Variants in SLC2A13 observed in about 807,000 individuals in gnomAD.
SLC2A13 encodes solute carrier family 2 member 13, also known as proton myo-inositol cotransporter.
A neutral mutation model predicts 64.4 loss-of-function variants in SLC2A13; 32 were observed. The observed-to-expected ratio is 0.50, with a 90% confidence interval of 0.37 to 0.67. The LOEUF is 0.67. SLC2A13 is among the 30% of genes least tolerant of loss of function. SLC2A13 has a pLI of 0.00. For missense variants in SLC2A13, 743 were observed against 829.2 expected (o/e 0.90, Z 1.28); for synonymous variants, 338 against 327.1 (o/e 1.03, Z -0.36).
At chr12:40,044,234 C>A (rs536162777) in intron 2 of SLC2A13, among the ~76,000 whole-genome samples, 7 of 152,218 alleles carry the variant, frequency 4.6e-5, no homozygotes, top group African/African-American at 1.7e-4. Flanking sequence ...TAAAGAACCA[C>A]ATATTCATAT....
chr12:39,994,185 C>T (rs935166049), intron 3 of SLC2A13, among the ~76,000 whole-genome samples: 2 of 151,894 alleles, frequency 1.3e-5, no homozygotes, highest in Admixed American at 6.6e-5. Context: ...GTCAGGAGAT[C>T]GAGACCATCC....
intron 3 of SLC2A13, among the ~76,000 whole-genome samples, chr12:39,980,682 G>A (rs1400319765): frequency 6.6e-6 from 1 of 150,806 alleles, no homozygotes; most frequent in Non-Finnish European, 1.5e-5. Flanking sequence ...AGCAAGTCCT[G>A]AGTGACCTAC....
intron 1 of SLC2A13, among the ~76,000 whole-genome samples, chr12:40,049,905 G>A (rs1381626251): frequency 6.6e-6 from 1 of 152,090 alleles, no homozygotes; most frequent in Non-Finnish European, 1.5e-5. Context: ...TTCCACCAAT[G>A]TTGTTTGCTA....
chr12:39,964,972 A>G (rs747644521), intron 3 of SLC2A13, among the ~76,000 whole-genome samples: 23 of 152,182 alleles, frequency 1.5e-4, no homozygotes, highest in Non-Finnish European at 3.2e-4. Flanking sequence ...AGGGAAAAAA[A>G]TTATTAGATA....
At chr12:39,927,370 T>C (rs897710792) in intron 4 of SLC2A13, among the ~76,000 whole-genome samples, 3 of 152,206 alleles carry the variant, frequency 2.0e-5, no homozygotes, top group African/African-American at 7.2e-5. Context: ...TGGTGAGTCA[T>C]ATGAAGTTTC....
intron 1 of SLC2A13, among the ~76,000 whole-genome samples, chr12:40,094,069 A>AT (rs1484198142): frequency 6.6e-6 from 1 of 152,176 alleles, no homozygotes; most frequent in Non-Finnish European, 1.5e-5. Flanking sequence ...AGTGGAAGTG[A>AT]TAAGAAACAG....
chr12:40,030,484 T>A (rs926885491), intron 2 of SLC2A13, among the ~76,000 whole-genome samples: 6 of 152,164 alleles, frequency 3.9e-5, no homozygotes, highest in African/African-American at 1.4e-4. Context: ...GATTAGGAAA[T>A]AAATTTTAAA....
At chr12:39,805,763 C>T (rs1408711857) in intron 7 of SLC2A13, among the ~76,000 whole-genome samples, 2 of 152,070 alleles carry the variant, frequency 1.3e-5, no homozygotes, top group African/African-American at 4.8e-5. Flanking sequence ...TCAATGAAAC[C>T]AGATCTGAGT....
At position 40,105,131 on chromosome 12, in the gene SLC2A13, T is replaced by A; in HGVS notation, c.556+122A>T. ...AGATGGGCTCTGGAGGCCAGAGAAG[T>A]GGAGGATTCTCTGACCCTGGGAGAC... is the stretch of plus-strand genomic sequence containing the variant. On this transcript the variant is annotated intron_variant, in intron 1 of 9. Transcript: ENST00000280871. This position sits in a 1 kb window ranked among gnomAD's most constrained non-coding sequence, Gnocchi z 4.2. 7.9e-7 allele frequency: 1 copy of A among 1,272,182 alleles called. No homozygotes were observed. 78.8% of individuals were successfully genotyped at this position (1,272,182 alleles called of 1,614,324 possible).
At chr12:39,989,031 G>A (rs569067834) in intron 3 of SLC2A13, among the ~76,000 whole-genome samples, 4 of 152,254 alleles carry the variant, frequency 2.6e-5, no homozygotes, top group East Asian at 1.9e-4. Context: ...TACTCTGAGC[G>A]CAGGAGCCAG....
chr12:40,105,836 G>T lies in SLC2A13; in HGVS notation c.-28C>A. ...GGCAGGGGCCCGGGGCTGCCCGGGGGGACGCGGCTCCGCGGGCCGGCAGTC... is the reference window on the plus strand; with the variant it reads ...GGCAGGGGCCCGGGGCTGCCCGGGGTGACGCGGCTCCGCGGGCCGGCAGTC... On this transcript the variant is annotated 5_prime_UTR_variant, in exon 1 of 10. Transcript: ENST00000280871. The surrounding 1 kb of genome is among the most constrained non-coding windows in gnomAD (Gnocchi z 4.2). The T allele has an allele frequency of 1.4e-6, 2 of 1,388,148 alleles. No individual in the cohort carries two copies. Among genetic ancestry groups the T allele is most frequent in the South Asian group, 1.7e-5 (1 of 59,590 alleles). The allele number at this position is 1,388,148 out of a possible 1,614,324, so 86.0% of individuals were successfully genotyped here. A position where few individuals can be genotyped will look rare whatever the true frequency, so the allele number is the denominator to read the frequency against.
Position 39,904,719 on chromosome 12 carries a change from A to T in SLC2A13, c.1035-32758T>A, listed in dbSNP as rs150077131. Among the ~76,000 whole-genome samples, 237 of 152,230 alleles carry T rather than the reference A, an allele frequency of 1.6e-3. 1 individual carries two copies. The highest frequency in any genetic ancestry group is 5.4e-3 in the African/African-American group (223 of 41,548). Reference sequence around the variant, plus strand: ...TGCCCTGCTTTGCTGCAACCAAGTAAACTAGACTACAAGCCACAGGGGAAC... The same window carrying T: ...TGCCCTGCTTTGCTGCAACCAAGTATACTAGACTACAAGCCACAGGGGAAC... On this transcript the variant is annotated intron_variant, in intron 4 of 9. Coordinates refer to ENST00000280871, the MANE Select transcript of SLC2A13 (RefSeq NM_052885.4).
chr12:39,922,676 T>C (rs1565543547), intron 4 of SLC2A13, among the ~76,000 whole-genome samples: 1 of 152,230 alleles, frequency 6.6e-6, no homozygotes, highest in Non-Finnish European at 1.5e-5. Flanking sequence ...TTTCCTTAAG[T>C]TAGCTTTCTG....
chr12:39,946,853 C>A lies in SLC2A13; in HGVS notation c.1034+4404G>T, dbSNP rs116493169. Among the ~76,000 whole-genome samples the A allele has an allele frequency of 1.9e-3, 283 of 152,262 alleles. 2 individuals carry two copies. The highest frequency in any genetic ancestry group is 6.4e-3 in the African/African-American group (264 of 41,548). ...CTGTGAAGTATGAACGCCCCATTTG[C>A]GTCCTCCCTTATGGCCAGGAGGCTT... On this transcript the variant is annotated intron_variant, in intron 4 of 9. Transcript: ENST00000280871.
chr12:40,105,934 T>C lies in SLC2A13; in HGVS notation c.-126A>G. 4 of 1,169,820 alleles carry C rather than the reference T, an allele frequency of 3.4e-6. No individual in the cohort carries two copies. Among genetic ancestry groups the C allele is most frequent in the Non-Finnish European group, 4.4e-6 (4 of 918,438 alleles). 72.5% of individuals were successfully genotyped at this position (1,169,820 alleles called of 1,614,324 possible). On this transcript the variant is annotated 5_prime_UTR_variant, in exon 1 of 10. Transcript: ENST00000280871. This position sits in a 1 kb window ranked among gnomAD's most constrained non-coding sequence, Gnocchi z 4.2. Reference sequence around the variant, plus strand: ...CCGCTTTCTTCCTCCCGGCTTCCGCTCCGGCTGCCACGGCAGCAGCCGCCG... The same window carrying C: ...CCGCTTTCTTCCTCCCGGCTTCCGCCCCGGCTGCCACGGCAGCAGCCGCCG...
Position 39,760,264 on chromosome 12 carries a change from T to C in SLC2A13, c.1721-12A>G, listed in dbSNP as rs1250634516. On this transcript the variant is annotated splice_polypyrimidine_tract_variant and intron_variant, in intron 9 of 9. Coordinates refer to ENST00000280871, the MANE Select transcript of SLC2A13 (RefSeq NM_052885.4). ...GAGGAAGAAAGCTCCTGCAACGGAATATAATAGATACATGAATATGAATAT... is the reference window on the plus strand; with the variant it reads ...GAGGAAGAAAGCTCCTGCAACGGAACATAATAGATACATGAATATGAATAT... 1.3e-6 allele frequency: 2 copies of C among 1,594,704 alleles called. No individual in the cohort carries two copies.
intron 4 of SLC2A13, among the ~76,000 whole-genome samples, chr12:39,919,799 T>C (rs915756438): frequency 3.9e-5 from 6 of 152,160 alleles, no homozygotes; most frequent in African/African-American, 1.4e-4. Flanking sequence ...ATTTTATTTA[T>C]TTAAAGATAA....
chr12:39,909,063 G>C (rs1945362823), intron 4 of SLC2A13, among the ~76,000 whole-genome samples: 1 of 151,808 alleles, frequency 6.6e-6, no homozygotes, highest in African/African-American at 2.4e-5. Context: ...GTGCTCACAA[G>C]GAATACAGTG....
intron 4 of SLC2A13, among the ~76,000 whole-genome samples, chr12:39,886,271 T>A (rs1944463802): frequency 6.6e-6 from 1 of 152,186 alleles, no homozygotes; most frequent in African/African-American, 2.4e-5. Flanking sequence ...GCTGGCTTGA[T>A]GCGGGCATAT....
Sources: allele counts gnomAD v4.1 joint callset (sites outside exome capture counted in the v4.1 genomes callset), GRCh38; gene constraint gnomAD v4.1.1; non-coding constraint Gnocchi (gnomAD v3.1); transcripts MANE v1.5; gene names NCBI Gene and HGNC (gene_info 2026-07-23, HGNC 2026-07-21).